PANK1: variants seen among roughly 807,000 people sequenced by gnomAD.
The protein encoded by PANK1 is pantothenic acid kinase 1.
In PANK1, 18 loss-of-function variants were observed where a neutral mutation model predicts 40.1. That is an observed-to-expected ratio of 0.45 (90% CI 0.31 to 0.67). The LOEUF is 0.67. PANK1 is among the 30% of genes least tolerant of loss of function. The probability of loss-of-function intolerance (pLI) is 0.06; values close to 1 mark genes in which losing one functional copy is unlikely to be tolerated. For missense variants in PANK1, 457 were observed against 599.6 expected, an observed-to-expected ratio of 0.76 and a Z score of 2.48; for synonymous variants, 242 against 237.7, an observed-to-expected ratio of 1.02 and a Z score of -0.17.
At chr10:89,579,713 C>G (rs935789977), downstream of PANK1, 8 of 152,272 alleles carry the variant, frequency 5.3e-5, no homozygotes, top group Middle Eastern at 3.4e-3. Context: ...AGTCTCTCTC[C>G]TCCCTCTCTA....
intron 1 of PANK1, among the ~76,000 whole-genome samples, chr10:89,624,478 C>T (rs1430232324): frequency 2.6e-5 from 4 of 152,166 alleles, no homozygotes; most frequent in Admixed American, 2.0e-4. Context: ...GTATCCTCTA[C>T]ATTTTGCTCT....
At chr10:89,591,475 T>C (rs1244509891) in intron 5 of PANK1, among the ~76,000 whole-genome samples, 2 of 152,240 alleles carry the variant, frequency 1.3e-5, no homozygotes, top group African/African-American at 2.4e-5. Flanking sequence ...GTAAACGTGG[T>C]GTCCCTCAAT....
chr10:89,644,692 A>C lies in PANK1; in HGVS notation c.200T>G (p.Leu67Arg), dbSNP rs1277031422. ...APQRLPLLPE[L>R]QPQPLLPQHD... ...CTGAGGGAGCAGTGGCTGCGGCTGC[A>C]GCTCCGGCAGGAGCGGGAGGCGCTG... Residue 67 changes from leucine to arginine, a missense_variant, in exon 1 of 7, where the codon CTG becomes CGG. Physicochemically the swap from Leu to Arg is moderately radical, Grantham distance 102. Around this residue, in one of 4 missense-constraint regions of PANK1, gnomAD observed 144 missense variants for 131.2 expected, o/e 1.10. Transcript: ENST00000307534. 4.5e-6 allele frequency: 7 copies of C among 1,547,482 alleles called. No individual in the cohort carries two copies. The highest frequency in any genetic ancestry group is 6.1e-6 in the Non-Finnish European group (7 of 1,153,894).
In PANK1 at chr10:89,644,588, A is replaced by G. The variant is rs1403445861; in HGVS notation, c.292+12T>C. The G allele has an allele frequency of 3.2e-6, 5 of 1,584,022 alleles. No homozygotes were observed. The highest frequency in any genetic ancestry group is 4.3e-6 in the Non-Finnish European group (5 of 1,170,332). On this transcript the variant is annotated intron_variant, in intron 1 of 6. Coordinates refer to ENST00000307534, the MANE Select transcript of PANK1 (RefSeq NM_148977.3). ...TGCCTTGCGCCCGCGCTCCCCTCCC[A>G]GCGGGACTTACGCGGCCTGTTCTTT... is the stretch of plus-strand genomic sequence containing the variant.
intron 1 of PANK1, among the ~76,000 whole-genome samples, chr10:89,624,142 A>T (rs1845591005): frequency 6.6e-6 from 1 of 152,188 alleles, no homozygotes; most frequent in African/African-American, 2.4e-5. Context: ...TTCCTTTCAG[A>T]ACTTCTGAGG....
intron 1 of PANK1, among the ~76,000 whole-genome samples, chr10:89,628,783 C>G (rs1409163215): frequency 6.6e-6 from 1 of 152,228 alleles, no homozygotes; most frequent in Non-Finnish European, 1.5e-5. Context: ...TCTCCATACT[C>G]TTAAACAAAA....
chr10:89,642,704 G>A (rs535427973), intron 1 of PANK1, among the ~76,000 whole-genome samples: 5 of 152,208 alleles, frequency 3.3e-5, no homozygotes, highest in African/African-American at 1.2e-4. Context: ...AAGATATTAA[G>A]TTAAGCCATT....
intron 3 of PANK1, among the ~76,000 whole-genome samples, chr10:89,597,409 C>T (rs1406091783): frequency 6.6e-6 from 1 of 152,098 alleles, no homozygotes; most frequent in East Asian, 1.9e-4. Flanking sequence ...CTGCAGGCTT[C>T]GGTAGCACCT....
At chr10:89,601,312 A>AAG (rs1394523719) in intron 2 of PANK1, among the ~76,000 whole-genome samples, 3 of 139,494 alleles carry the variant, frequency 2.2e-5, no homozygotes, top group African/African-American at 8.2e-5. Flanking sequence ...CATCTCTTAA[A>AAG]AAAAAAAAAA....
At chr10:89,602,593 A>G (rs1844821046) in intron 2 of PANK1, among the ~76,000 whole-genome samples, 1 of 152,234 alleles carries the variant, frequency 6.6e-6, no homozygotes, top group Non-Finnish European at 1.5e-5. Context: ...CAACTGAATG[A>G]ACTTTGTGGA....
intron 3 of PANK1, 67 bp from the exon 4 acceptor site, chr10:89,594,056 C>A: frequency 9.1e-7 from 1 of 1,097,854 alleles, no homozygotes; most frequent in Non-Finnish European, 1.4e-6. Context: ...TCCCCAACTA[C>A]GTCAAGACTA....
At chr10:89,627,602 G>A (rs987576739) in intron 1 of PANK1, among the ~76,000 whole-genome samples, 2 of 152,152 alleles carry the variant, frequency 1.3e-5, no homozygotes, top group African/African-American at 4.8e-5. Context: ...CAGCCCCCTT[G>A]GCACTTAAAT....
At chr10:89,591,930 T>C (rs1844403360) in intron 5 of PANK1, among the ~76,000 whole-genome samples, 1 of 152,152 alleles carries the variant, frequency 6.6e-6, no homozygotes, top group South Asian at 2.1e-4. Context: ...CATCTATTGC[T>C]CTGTGGGGCA....
chr10:89,624,656 TA>T (rs544140010), intron 1 of PANK1, among the ~76,000 whole-genome samples: 9 of 152,348 alleles, frequency 5.9e-5, no homozygotes, highest in Admixed American at 3.9e-4. Context: ...TAGTTATATT[TA>T]TTTTTTTTAG....
intron 1 of PANK1, among the ~76,000 whole-genome samples, chr10:89,620,408 G>A (rs142323348): frequency 0.037 from 5,671 of 152,274 alleles, 415 homozygotes; most frequent in East Asian, 0.28. Flanking sequence ...TAAAATGGCC[G>A]CTCTGGGAGT....
At chr10:89,640,969 C>T (rs1841951508) in intron 1 of PANK1, among the ~76,000 whole-genome samples, 1 of 152,178 alleles carries the variant, frequency 6.6e-6, no homozygotes, top group Non-Finnish European at 1.5e-5. Flanking sequence ...GATCCTTAAC[C>T]AGTTGGACAC....
chr10:89,595,739 G>A (rs574251892), intron 3 of PANK1, among the ~76,000 whole-genome samples: 1 of 144,476 alleles, frequency 6.9e-6, no homozygotes, highest in African/African-American at 2.6e-5. Flanking sequence ...GGGATTACTT[G>A]TACCCTGGTG....
intron 1 of PANK1, among the ~76,000 whole-genome samples, chr10:89,630,743 C>T (rs536226649): frequency 5.7e-4 from 87 of 152,316 alleles, no homozygotes; most frequent in African/African-American, 1.9e-3. Flanking sequence ...CCGCCCGCCT[C>T]GGCCTTCCGA....
Position 89,644,888 on chromosome 10 carries a change from C to T in PANK1, c.4G>A (p.Gly2Ser), listed in dbSNP as rs541441847. 7.9e-6 allele frequency: 12 copies of T among 1,511,380 alleles called. No homozygotes were observed. The highest frequency in any genetic ancestry group is 1.5e-5 in the African/African-American group (1 of 68,894). 93.6% of individuals were successfully genotyped at this position (1,511,380 alleles called of 1,614,324 possible). M[G>S]DRSGQQERSV... ...CGCTCCTGCTGCCCGCTGCGGTCGCCCATGCCGGGGGCTGGCGGGGCTGTG... is the reference window on the plus strand; with the variant it reads ...CGCTCCTGCTGCCCGCTGCGGTCGCTCATGCCGGGGGCTGGCGGGGCTGTG... Residue 2 changes from glycine (G) to serine (S), a missense_variant, in exon 1 of 7, where the codon GGC becomes AGC. Gly to Ser is a moderately conservative substitution (Grantham distance 56, BLOSUM62 0). Coordinates refer to ENST00000307534, the MANE Select transcript of PANK1 (RefSeq NM_148977.3).
Sources: gnomAD v4.1 joint callset for allele counts (sites outside exome capture counted in the v4.1 genomes callset) on GRCh38, gnomAD v4.1.1 for gene constraint, gnomAD v4.1.1 regional missense constraint, MANE v1.5 for transcripts, NCBI Gene and HGNC (gene_info 2026-07-23, HGNC 2026-07-21) for gene names.